Variants in TMC2 observed in about 807,000 individuals in gnomAD.
TMC2 encodes the protein transmembrane channel-like protein 2.
A neutral mutation model predicts 105.9 loss-of-function variants in TMC2; 102 were observed. The observed-to-expected ratio is 0.96, with a 90% confidence interval of 0.82 to 1.14. The LOEUF (loss-of-function observed/expected upper bound fraction) is 1.14, where lower values mean the gene tolerates loss of function less well. Among genes scored for constraint, TMC2 ranks in the 50% most tolerant of loss-of-function variants. The pLI is 0.00. For missense variants in TMC2, 1,093 were observed against 1,134.3 expected (o/e 0.96, Z 0.52); for synonymous variants, 402 against 422.8 (o/e 0.95, Z 0.60).
intron 17 of TMC2, among the ~76,000 whole-genome samples, chr20:2,629,972 T>C (rs1355693224): frequency 6.6e-6 from 1 of 152,242 alleles, no homozygotes; most frequent in Non-Finnish European, 1.5e-5. Flanking sequence ...ACTAAAATAT[T>C]TATTGCCTGG....
intron 3 of TMC2, among the ~76,000 whole-genome samples, chr20:2,560,530 T>C (rs2086018458): frequency 1.3e-5 from 2 of 152,112 alleles, no homozygotes; most frequent in Non-Finnish European, 2.9e-5. Flanking sequence ...TGAGAGTCAC[T>C]ATTTTTCATC....
intron 19 of TMC2, among the ~76,000 whole-genome samples, chr20:2,640,102 C>G (rs897181392): frequency 1.3e-5 from 2 of 152,202 alleles, no homozygotes; most frequent in African/African-American, 2.4e-5. Flanking sequence ...CCTGCTCAGT[C>G]TTCTGAGTGG....
At chr20:2,576,819 G>A (rs1031922323) in intron 5 of TMC2, among the ~76,000 whole-genome samples, 2 of 151,956 alleles carry the variant, frequency 1.3e-5, no homozygotes, top group Non-Finnish European at 2.9e-5. Flanking sequence ...AAGTACTCAA[G>A]GCAAATGCTC....
chr20:2,628,660 C>A (rs942067739), intron 17 of TMC2, among the ~76,000 whole-genome samples: 9 of 152,206 alleles, frequency 5.9e-5, no homozygotes, highest in African/African-American at 2.2e-4. Flanking sequence ...TCCTTCCCGC[C>A]ACTTTGTGAA....
At chr20:2,637,702 A>G (rs919858620) in intron 19 of TMC2, 111 bp downstream of exon 19, 2 of 757,234 alleles carry the variant, frequency 2.6e-6, no homozygotes, top group Non-Finnish European at 4.4e-6. Flanking sequence ...CAGAATCCTA[A>G]CAATTATTAG....
At chr20:2,587,147 T>C (rs2086237133) in intron 7 of TMC2, among the ~76,000 whole-genome samples, 1 of 152,194 alleles carries the variant, frequency 6.6e-6, no homozygotes, top group Non-Finnish European at 1.5e-5. Flanking sequence ...ACAAATTATC[T>C]ATAATCTTAC....
In TMC2 at chr20:2,617,128, C is replaced by T; in HGVS notation, c.1997C>T (p.Thr666Ile). The T allele has an allele frequency of 1.2e-6, 2 of 1,614,206 alleles. No homozygotes were observed. Among genetic ancestry groups the T allele is most frequent in the South Asian group, 1.1e-5 (1 of 91,090 alleles). ...GGCATTAATGTGCTGCGCCTGCTGA[C>T]CTCCATGTACTTCCAGTGCTGGGCG... ...LVGINVLRLL[T>I]SMYFQCWAVM... The change falls in exon 16 of 20, where the codon ACC (threonine) becomes ATC (isoleucine). Residue 666 changes from threonine to isoleucine, a missense_variant. Transcript: ENST00000358864.
chr20:2,554,107 C>T (rs1023480711), intron 2 of TMC2, among the ~76,000 whole-genome samples: 21 of 152,122 alleles, frequency 1.4e-4, no homozygotes, highest in African/African-American at 4.3e-4. Context: ...AGGCTGGTCT[C>T]GAACTCCTGA....
intron 17 of TMC2, among the ~76,000 whole-genome samples, chr20:2,627,037 G>A (rs530792014): frequency 1.3e-5 from 2 of 152,202 alleles, no homozygotes; most frequent in East Asian, 1.9e-4. Context: ...TTGCTAACAG[G>A]CCTCAGATGT....
chr20:2,585,299 A>G (rs1271435288), intron 7 of TMC2, among the ~76,000 whole-genome samples: 1 of 152,200 alleles, frequency 6.6e-6, no homozygotes, highest in Non-Finnish European at 1.5e-5. Context: ...ACTCTACTAT[A>G]AAACATTCAC....
At chr20:2,627,427 G>A (rs1274371971) in intron 17 of TMC2, among the ~76,000 whole-genome samples, 1 of 152,216 alleles carries the variant, frequency 6.6e-6, no homozygotes, top group Non-Finnish European at 1.5e-5. Context: ...TTTGTACACA[G>A]AGTTTGGCTT....
chr20:2,605,348 T>C (rs777618551), intron 11 of TMC2, among the ~76,000 whole-genome samples: 4 of 152,188 alleles, frequency 2.6e-5, no homozygotes, highest in Non-Finnish European at 5.9e-5. Flanking sequence ...GAAATGTATT[T>C]GCTCACCGTT....
chr20:2,543,375 G>T (rs1010722184), intron 2 of TMC2, among the ~76,000 whole-genome samples: 1 of 152,232 alleles, frequency 6.6e-6, no homozygotes, highest in Non-Finnish European at 1.5e-5. Context: ...GTATCTTACA[G>T]AGGGGAAGGA....
At chr20:2,579,807 A>G in intron 6 of TMC2, 143 bp from the exon 7 acceptor site, 1 of 571,824 alleles carries the variant, frequency 1.7e-6, no homozygotes, top group Non-Finnish European at 3.1e-6. Context: ...GCCTCAGGTT[A>G]TTTATCCAGG....
chr20:2,552,215 G>T (rs570805588), intron 2 of TMC2, among the ~76,000 whole-genome samples: 45 of 152,308 alleles, frequency 3.0e-4, no homozygotes, highest in African/African-American at 8.7e-4. Flanking sequence ...CTATATTCGT[G>T]CCATTGCACT....
At chr20:2,546,967 T>A (rs1016469497) in intron 2 of TMC2, among the ~76,000 whole-genome samples, 9 of 152,190 alleles carry the variant, frequency 5.9e-5, no homozygotes, top group Non-Finnish European at 1.2e-4. Context: ...TAATAGATAA[T>A]GTACACTATA....
intron 2 of TMC2, among the ~76,000 whole-genome samples, chr20:2,546,162 A>G (rs907132822): frequency 3.3e-5 from 5 of 152,150 alleles, no homozygotes; most frequent in African/African-American, 1.2e-4. Flanking sequence ...CACCTGACCT[A>G]TTGTGGAGTT....
intron 3 of TMC2, among the ~76,000 whole-genome samples, chr20:2,561,257 G>A (rs2086023966): frequency 6.6e-6 from 1 of 152,206 alleles, no homozygotes; most frequent in Non-Finnish European, 1.5e-5. Context: ...ACTTGATTCA[G>A]TTCTTGGGAA....
chr20:2,594,107 T>C (rs1441662770), intron 8 of TMC2, among the ~76,000 whole-genome samples: 2 of 152,278 alleles, frequency 1.3e-5, no homozygotes, highest in East Asian at 3.9e-4. Flanking sequence ...GGCATGGCTG[T>C]AGTGCTGCCC....
Sources: gnomAD v4.1 joint callset for allele counts (sites outside exome capture counted in the v4.1 genomes callset) on GRCh38, gnomAD v4.1.1 for gene constraint, MANE v1.5 for transcripts, NCBI Gene and HGNC (gene_info 2026-07-23, HGNC 2026-07-21) for gene names.